Variants in PIKFYVE observed in about 807,000 individuals in gnomAD.
PIKFYVE encodes phosphoinositide kinase, FYVE-type zinc finger containing.
Under a neutral mutation model 257.9 loss-of-function variants are expected in PIKFYVE, and 122 were observed. The ratio of observed to expected loss-of-function variants is 0.47; its 90% CI spans 0.41 to 0.55. The LOEUF (loss-of-function observed/expected upper bound fraction) is 0.55. PIKFYVE is among the 20% of genes least tolerant of loss of function. The pLI is 0.00. For synonymous variants in PIKFYVE, 892 were observed against 868.9 expected (o/e 1.03, Z -0.47); for missense variants, 2,160 against 2,536.6 (o/e 0.85, Z 3.19).
intron 39 of PIKFYVE, 34 bp from the exon 40 acceptor site, chr2:208,353,864 G>C: frequency 6.2e-7 from 1 of 1,611,614 alleles, no homozygotes; most frequent in East Asian, 2.2e-5. Context: ...GTGGCAACCT[G>C]TACATAAATG....
chr2:208,304,146 T>C (rs781664211), intron 10 of PIKFYVE, 25 bp from the exon 11 acceptor site: 1 of 1,613,610 alleles, frequency 6.2e-7, no homozygotes, highest in East Asian at 2.2e-5. Flanking sequence ...GGCCAATTGC[T>C]TGGATCCTGT....
At chr2:208,272,345 T>C (rs745443595) in intron 2 of PIKFYVE, among the ~76,000 whole-genome samples, 11 of 152,270 alleles carry the variant, frequency 7.2e-5, no homozygotes, top group Non-Finnish European at 1.5e-4. Context: ...TTTAAGTTAG[T>C]CCATAGAATG....
At chr2:208,355,098 G>T in intron 41 of PIKFYVE, 92 bp from the exon 42 acceptor site, 1 of 955,042 alleles carries the variant, frequency 1.0e-6, no homozygotes. Flanking sequence ...TATCTTTATG[G>T]CAGTTTATAT....
intron 7 of PIKFYVE, among the ~76,000 whole-genome samples, chr2:208,290,749 TC>T (rs1692210776): frequency 6.6e-6 from 1 of 152,194 alleles, no homozygotes; most frequent in Non-Finnish European, 1.5e-5. Context: ...GAATGAGAGT[TC>T]CTGTTGTTTC....
Position 208,339,081 on chromosome 2 carries a change from C to T in PIKFYVE, c.4673-337C>T, listed in dbSNP as rs187748409. 6.5e-3 allele frequency among the ~76,000 whole-genome samples: 995 copies of T among 152,136 alleles called. 2 individuals carry two copies. The highest frequency in any genetic ancestry group is 9.8e-3 in the Non-Finnish European group (666 of 68,002). ...TTTTTCTCTCCCAGAATAAGCATGC[C>T]GTCTTTCTCAGAGTGTCCTAATTTC... is the stretch of plus-strand genomic sequence containing the variant. On this transcript the variant is annotated intron_variant, in intron 29 of 41. Coordinates refer to ENST00000264380, the MANE Select transcript of PIKFYVE (RefSeq NM_015040.4).
intron 5 of PIKFYVE, among the ~76,000 whole-genome samples, chr2:208,283,379 C>T (rs573402479): frequency 3.3e-5 from 5 of 152,200 alleles, no homozygotes; most frequent in South Asian, 2.1e-4. Flanking sequence ...TATAGGCATG[C>T]GCTTAATAGG....
chr2:208,324,311 T>G (rs1186482911), intron 18 of PIKFYVE, 29 bp downstream of exon 18: 1 of 1,608,344 alleles, frequency 6.2e-7, no homozygotes, highest in Non-Finnish European at 8.5e-7. Context: ...CTATTGTATT[T>G]TAAAAAAATC....
chr2:208,337,458 A>G (rs114276726), intron 28 of PIKFYVE, among the ~76,000 whole-genome samples: 3,080 of 152,000 alleles, frequency 0.02, 110 homozygotes, highest in African/African-American at 0.069. Context: ...AGATACATCT[A>G]TATAGATATA....
rs1345875695 is a variant in PIKFYVE at position 208,358,400 on chromosome 2, T to TTTG, written c.*3097_*3098insGTT. 8.9e-4 allele frequency: 2 copies of TTTG among 2,258 alleles called. No individual in the cohort carries two copies. The highest frequency in any genetic ancestry group is 0.045 in the Non-Finnish European group (2 of 44). 0.1% of individuals were successfully genotyped at this position (2,258 alleles called of 1,614,324 possible). The stretch of plus-strand genomic sequence containing the variant: ...ATCTAGTGCAATGTTTTTGTTTTTG[T>TTTG]TTTTTTTTTGGTAACACAGGTGCAG... On this transcript the variant is annotated 3_prime_UTR_variant, in exon 42 of 42. Transcript: ENST00000264380.
chr2:208,357,956 A>C lies in PIKFYVE; in HGVS notation c.*2651A>C, dbSNP rs1351788854. The C allele has an allele frequency of 1.3e-5, 2 of 152,242 alleles. No individual in the cohort carries two copies. The highest frequency in any genetic ancestry group is 1.3e-4 in the Admixed American group (2 of 15,290). 9.4% of individuals were successfully genotyped at this position (152,242 alleles called of 1,614,324 possible). A position where few individuals can be genotyped will look rare whatever the true frequency, so the allele number is the denominator to read the frequency against. ...AAGCTTTTTGATGCCATCAAAACTT[A>C]TTAAAAAATAGGATTTACTTTTTTC... is the stretch of plus-strand genomic sequence containing the variant. On this transcript the variant is annotated 3_prime_UTR_variant, in exon 42 of 42. Transcript: ENST00000264380.
intron 39 of PIKFYVE, among the ~76,000 whole-genome samples, 161 bp from the exon 40 acceptor site, chr2:208,353,737 G>T (rs1022069554): frequency 6.6e-6 from 1 of 152,046 alleles, no homozygotes; most frequent in South Asian, 2.1e-4. Flanking sequence ...ATCACCATGC[G>T]TTTAAAAACT....
At chr2:208,290,504 T>A (rs1692174935) in intron 7 of PIKFYVE, among the ~76,000 whole-genome samples, 2 of 152,240 alleles carry the variant, frequency 1.3e-5, no homozygotes, top group Non-Finnish European at 2.9e-5. Flanking sequence ...ACACTATAGT[T>A]TATCTACTCA....
chr2:208,321,831 C>T (rs947637933), intron 17 of PIKFYVE, among the ~76,000 whole-genome samples: 1 of 152,054 alleles, frequency 6.6e-6, no homozygotes, highest in African/African-American at 2.4e-5. Flanking sequence ...CCGCCCGAGG[C>T]GTCCCAAAAT....
intron 23 of PIKFYVE, among the ~76,000 whole-genome samples, chr2:208,331,843 G>T (rs1697575055): frequency 1.3e-5 from 2 of 152,202 alleles, no homozygotes; most frequent in South Asian, 4.1e-4. Context: ...CTCAGTCTTA[G>T]TTTCATAATT....
At position 208,355,462 on chromosome 2, in the gene PIKFYVE, A is replaced by G; in HGVS notation, c.*157A>G. On this transcript the variant is annotated 3_prime_UTR_variant, in exon 42 of 42. Coordinates refer to ENST00000264380, the MANE Select transcript of PIKFYVE (RefSeq NM_015040.4). Reference sequence around the variant, plus strand: ...TTTAGACTGTCCGTAATGGAATGGTAAAACTCCATGAATTTGCACTTTGGT... The same window carrying G: ...TTTAGACTGTCCGTAATGGAATGGTGAAACTCCATGAATTTGCACTTTGGT... 1.6e-6 allele frequency: 1 copy of G among 627,772 alleles called. No homozygotes were observed. The highest frequency in any genetic ancestry group is 2.8e-6 in the Non-Finnish European group (1 of 362,006). 38.9% of individuals were successfully genotyped at this position (627,772 alleles called of 1,614,324 possible). A position where few individuals can be genotyped will look rare whatever the true frequency, so the allele number is the denominator to read the frequency against.
chr2:208,325,780 C>G lies in PIKFYVE; in HGVS notation c.2969C>G (p.Ala990Gly), dbSNP rs773585734. 6.2e-7 allele frequency: 1 copy of G among 1,613,992 alleles called. No homozygotes were observed. The highest frequency in any genetic ancestry group is 1.1e-5 in the South Asian group (1 of 91,070). ...CTCCCTGTGGATGACCAACAAGATG[C>G]TTTAGGCAGCGAGCAGCCAGAGACT... Reference protein sequence around the residue: ...LPLPVDDQQDALGSEQPETLQ... With the variant: ...LPLPVDDQQDGLGSEQPETLQ... Residue 990 changes from alanine to glycine, a missense_variant, in exon 20 of 42, where the codon GCT becomes GGT. Physicochemically the swap from Ala to Gly is moderately conservative, Grantham distance 60. This residue lies in a region of PIKFYVE where 522 missense variants were observed against 514.6 expected (regional missense o/e 1.01). Transcript: ENST00000264380.
rs1378093898 is a variant in PIKFYVE at position 208,351,311 on chromosome 2, A to G, written c.5612-41A>G. On this transcript the variant is annotated intron_variant, in intron 37 of 41. Transcript: ENST00000264380. ...AATGATGTGTTATAGATTACAGTATATATTGTGATTGAGTAAACACATAAA... is the reference window on the plus strand; with the variant it reads ...AATGATGTGTTATAGATTACAGTATGTATTGTGATTGAGTAAACACATAAA... The G allele has an allele frequency of 3.0e-6, 4 of 1,327,330 alleles. No homozygotes were observed. In the Admixed American group the frequency reaches 5.0e-5, roughly 17 times the overall value. The allele number at this position is 1,327,330 out of a possible 1,614,324, so 82.2% of individuals were successfully genotyped here.
At chr2:208,276,565 C>G (rs1243026387) in intron 3 of PIKFYVE, 147 bp from the exon 4 acceptor site, 4 of 733,094 alleles carry the variant, frequency 5.5e-6, no homozygotes, top group Admixed American at 3.8e-5. Flanking sequence ...CTTATAAAGA[C>G]TTGTTTTAAC....
At chr2:208,330,451 T>C (rs910574435) in intron 22 of PIKFYVE, 72 bp from the exon 23 acceptor site, 3 of 1,567,864 alleles carry the variant, frequency 1.9e-6, no homozygotes, top group Non-Finnish European at 1.8e-6. Context: ...TCACTAGTCA[T>C]GCTGCACTTT....
Sources: gnomAD v4.1 joint callset for allele counts (sites outside exome capture counted in the v4.1 genomes callset) on GRCh38, gnomAD v4.1.1 for gene constraint, gnomAD v4.1.1 regional missense constraint, MANE v1.5 for transcripts, NCBI Gene and HGNC (gene_info 2026-07-23, HGNC 2026-07-21) for gene names.